NR3C1: variants seen among roughly 807,000 people sequenced by gnomAD.
The protein encoded by NR3C1 is nuclear receptor subfamily 3 group C member 1.
In NR3C1, 14 loss-of-function variants were observed where a neutral mutation model predicts 74.0. That is an observed-to-expected ratio of 0.19 (90% confidence interval 0.12 to 0.30). The LOEUF (loss-of-function observed/expected upper bound fraction) is 0.30. NR3C1 is among the 10% of genes least tolerant of loss of function. NR3C1 has a pLI of 1.00. For synonymous variants in NR3C1, 308 were observed against 332.5 expected (o/e 0.93, Z 0.80); for missense variants, 695 against 909.8 (o/e 0.76, Z 3.04).
intron 4 of NR3C1, among the ~76,000 whole-genome samples, chr5:143,302,319 G>T (rs1818665488): frequency 6.6e-6 from 1 of 151,976 alleles, no homozygotes; most frequent in Non-Finnish European, 1.5e-5. Context: ...TTTAAATTTG[G>T]ATATCACAAC....
At chr5:143,420,130 A>G (rs1332860452) in intron 1 of NR3C1, among the ~76,000 whole-genome samples, 4 of 152,156 alleles carry the variant, frequency 2.6e-5, no homozygotes, top group Non-Finnish European at 5.9e-5. Flanking sequence ...AATTGCTGTT[A>G]TCCTGTTCTT....
intron 2 of NR3C1, among the ~76,000 whole-genome samples, chr5:143,346,156 G>C (rs1369088981): frequency 1.3e-5 from 2 of 152,244 alleles, no homozygotes; most frequent in South Asian, 2.1e-4. Flanking sequence ...TTACTGACAA[G>C]TTAGAGATAA....
At chr5:143,302,772 C>T (rs1187923221) in intron 4 of NR3C1, among the ~76,000 whole-genome samples, 2 of 152,020 alleles carry the variant, frequency 1.3e-5, no homozygotes, top group African/African-American at 4.8e-5. Context: ...AAAATATCTT[C>T]AGGAAGGAGT....
At chr5:143,318,310 T>C (rs1238695405) in intron 2 of NR3C1, among the ~76,000 whole-genome samples, 1 of 152,174 alleles carries the variant, frequency 6.6e-6, no homozygotes, top group Non-Finnish European at 1.5e-5. Context: ...TTTCGTTTTT[T>C]AAAGGTTTTA....
At chr5:143,422,906 C>G (rs2151960271) in intron 1 of NR3C1, among the ~76,000 whole-genome samples, 1 of 151,512 alleles carries the variant, frequency 6.6e-6, no homozygotes, top group East Asian at 1.9e-4. Context: ...TTTCCCTTCT[C>G]TCTTACTTTC....
At chr5:143,387,485 T>G (rs1441086965) in intron 2 of NR3C1, among the ~76,000 whole-genome samples, 1 of 152,210 alleles carries the variant, frequency 6.6e-6, no homozygotes, top group African/African-American at 2.4e-5. Context: ...CCTGCCACAT[T>G]TTAAGATTGT....
At chr5:143,286,020 G>A (rs1334577165) in intron 7 of NR3C1, among the ~76,000 whole-genome samples, 1 of 147,682 alleles carries the variant, frequency 6.8e-6, no homozygotes, top group Admixed American at 6.8e-5. Flanking sequence ...TGTCGGGAAT[G>A]AAAGGGAATA....
intron 2 of NR3C1, among the ~76,000 whole-genome samples, chr5:143,392,889 G>C (rs1838527406): frequency 2.0e-5 from 3 of 152,194 alleles, no homozygotes; most frequent in Admixed American, 6.5e-5. Flanking sequence ...AAGAGACCCA[G>C]ATAATTAAAG....
chr5:143,290,749 G>A (rs530699185), intron 7 of NR3C1, among the ~76,000 whole-genome samples: 3 of 151,842 alleles, frequency 2.0e-5, no homozygotes, highest in African/African-American at 7.3e-5. Context: ...AGTTTTAGTA[G>A]AGTCGGGGTT....
At chr5:143,330,869 G>A (rs1418791663) in intron 2 of NR3C1, among the ~76,000 whole-genome samples, 12 of 151,998 alleles carry the variant, frequency 7.9e-5, no homozygotes, top group Admixed American at 2.0e-4. Context: ...TGTTAAAATC[G>A]CCATACTGCC....
chr5:143,368,097 G>A (rs565439665), intron 2 of NR3C1, among the ~76,000 whole-genome samples: 1 of 152,214 alleles, frequency 6.6e-6, no homozygotes, highest in African/African-American at 2.4e-5. Context: ...ATATATTTAT[G>A]GTCAGTTGAT....
chr5:143,373,900 T>C (rs77992317), intron 2 of NR3C1, among the ~76,000 whole-genome samples: 1,748 of 152,182 alleles, frequency 0.011, 31 homozygotes, highest in African/African-American at 0.04. Flanking sequence ...CACATATATT[T>C]TCCTATGTGT....
At chr5:143,403,973 G>C (rs2151950477), upstream of NR3C1, 1 of 984,552 alleles carries the variant, frequency 1.0e-6, no homozygotes, top group Non-Finnish European at 1.2e-6. Flanking sequence ...CGGCGGCAGC[G>C]GCGGGGGCCG....
At chr5:143,371,301 T>C (rs1042902919) in intron 2 of NR3C1, among the ~76,000 whole-genome samples, 1 of 152,278 alleles carries the variant, frequency 6.6e-6, no homozygotes, top group Non-Finnish European at 1.5e-5. Context: ...TTCCAACATT[T>C]CTATTCCATT....
At chr5:143,431,186 C>CT (rs1751800903) in intron 1 of NR3C1, among the ~76,000 whole-genome samples, 1 of 152,038 alleles carries the variant, frequency 6.6e-6, no homozygotes, top group Non-Finnish European at 1.5e-5. Flanking sequence ...GGCTCAGGAG[C>CT]TTCTGGGGAG....
chr5:143,293,718 T>G (rs1317432363), intron 7 of NR3C1, among the ~76,000 whole-genome samples: 1 of 152,160 alleles, frequency 6.6e-6, no homozygotes, highest in Non-Finnish European at 1.5e-5. Flanking sequence ...TCCAGTAGTC[T>G]ATCATAGTAG....
chr5:143,432,167 C>A (rs140721150), intron 1 of NR3C1, among the ~76,000 whole-genome samples: 2 of 152,334 alleles, frequency 1.3e-5, no homozygotes, highest in African/African-American at 4.8e-5. Flanking sequence ...GCCAGCCTAG[C>A]TGAATGTAGC....
At chr5:143,316,832 TG>T (rs1318586610) in intron 2 of NR3C1, among the ~76,000 whole-genome samples, 1 of 152,176 alleles carries the variant, frequency 6.6e-6, no homozygotes, top group Non-Finnish European at 1.5e-5. Context: ...ATTATATAAA[TG>T]GAAGGTAGTA....
Position 143,300,394 on chromosome 5 carries a change from C to G in NR3C1, c.1747+91G>C, listed in dbSNP as rs61753495. ...CAGAACTAAGAGAAACAAGATAAGC[C>G]ATGGGCTCACGATGATATAAAAGCC... On this transcript the variant is annotated intron_variant, in intron 5 of 8. Coordinates refer to ENST00000394464, the MANE Select transcript of NR3C1 (RefSeq NM_000176.3). The surrounding 1 kb of genome is among the most constrained non-coding windows in gnomAD (Gnocchi z 5.2). 3.7e-4 allele frequency: 548 copies of G among 1,490,792 alleles called. 3 individuals carry two copies. The African/African-American group carries it at 6.6e-3, about 18-fold the overall frequency. The allele number at this position is 1,490,792 out of a possible 1,614,324, so 92.3% of individuals were successfully genotyped here. A position where few individuals can be genotyped will look rare whatever the true frequency, so the allele number is the denominator to read the frequency against.
Sources: allele counts gnomAD v4.1 joint callset (sites outside exome capture counted in the v4.1 genomes callset), GRCh38; gene constraint gnomAD v4.1.1; non-coding constraint Gnocchi (gnomAD v3.1); transcripts MANE v1.5; gene names NCBI Gene and HGNC (gene_info 2026-07-23, HGNC 2026-07-21).